SUGCT: variants seen among roughly 807,000 people sequenced by gnomAD.
SUGCT encodes succinyl-CoA:glutarate CoA-transferase.
SUGCT carries 41 observed loss-of-function variants against 55.0 expected under a neutral mutation model. The observed-to-expected ratio is 0.74, with a 90% CI of 0.58 to 0.97. SUGCT has a LOEUF of 0.97. SUGCT is among the 50% of genes least tolerant of loss of function. The probability of loss-of-function intolerance (pLI) is 0.00; values close to 1 mark genes in which losing one functional copy is unlikely to be tolerated. For synonymous variants in SUGCT, 187 were observed against 200.4 expected (o/e 0.93, Z 0.56); for missense variants, 568 against 547.8 (o/e 1.04, Z -0.37).
At chr7:40,245,569 A>G (rs868705197) in intron 7 of SUGCT, among the ~76,000 whole-genome samples, 152 of 146,074 alleles carry the variant, frequency 1.0e-3, no homozygotes, top group Middle Eastern at 7.3e-3. Flanking sequence ...CCTCCCGAGT[A>G]GCTGGGACTA....
chr7:40,807,580 GACAA>G (rs1468683649), intron 13 of SUGCT, among the ~76,000 whole-genome samples: 5 of 152,332 alleles, frequency 3.3e-5, no homozygotes, highest in African/African-American at 1.2e-4. Context: ...GAAGAAGCTG[GACAA>G]ACAGAGGCTC....
At chr7:40,837,853 A>C (rs1035419817) in intron 13 of SUGCT, among the ~76,000 whole-genome samples, 18 of 152,118 alleles carry the variant, frequency 1.2e-4, no homozygotes, top group African/African-American at 4.3e-4. Flanking sequence ...ACCTCAGGAG[A>C]TCCACCCGCC....
At chr7:40,413,928 G>A (rs1411974543) in intron 9 of SUGCT, among the ~76,000 whole-genome samples, 1 of 152,160 alleles carries the variant, frequency 6.6e-6, no homozygotes, top group Admixed American at 6.5e-5. Context: ...ACTTGGGAAA[G>A]TGTCTTTCCA....
At chr7:40,753,959 G>T in intron 13 of SUGCT, among the ~76,000 whole-genome samples, 1 of 151,796 alleles carries the variant, frequency 6.6e-6, no homozygotes, top group Non-Finnish European at 1.5e-5. Context: ...TATTATATCT[G>T]TTGCAAATAC....
chr7:40,623,573 A>G (rs1410949421), intron 12 of SUGCT, among the ~76,000 whole-genome samples: 1 of 152,204 alleles, frequency 6.6e-6, no homozygotes, highest in African/African-American at 2.4e-5. Context: ...AATTTTATTA[A>G]AAGCAATACA....
the SUGCT span, among the ~76,000 whole-genome samples, chr7:41,027,728 A>G: frequency 2.0e-5 from 3 of 152,220 alleles, no homozygotes; most frequent in African/African-American, 7.2e-5. Flanking sequence ...CCCATTAGGA[A>G]AACATTAGGA....
chr7:40,721,917 A>G (rs1786357289), intron 12 of SUGCT, among the ~76,000 whole-genome samples: 3 of 152,230 alleles, frequency 2.0e-5, no homozygotes, highest in Non-Finnish European at 2.9e-5. Flanking sequence ...GACACATTTC[A>G]AGAATGTCCT....
At chr7:40,635,989 C>T (rs765407378) in intron 12 of SUGCT, among the ~76,000 whole-genome samples, 9 of 152,146 alleles carry the variant, frequency 5.9e-5, no homozygotes, top group Non-Finnish European at 7.3e-5. Flanking sequence ...CTATGGGATA[C>T]GTGGAGCACA....
At chr7:40,437,376 C>G in intron 9 of SUGCT, among the ~76,000 whole-genome samples, 1 of 152,120 alleles carries the variant, frequency 6.6e-6, no homozygotes, top group East Asian at 1.9e-4. Context: ...GGATCTGGGG[C>G]AGGAAATCAG....
intron 7 of SUGCT, among the ~76,000 whole-genome samples, chr7:40,272,091 C>CTATA (rs1355460497): frequency 4.7e-5 from 4 of 84,690 alleles, no homozygotes; most frequent in South Asian, 3.4e-4. Context: ...CTCTCTCTCT[C>CTATA]TCTCTATATA....
chr7:40,257,774 T>G (rs1302225328), intron 7 of SUGCT, among the ~76,000 whole-genome samples: 1 of 151,976 alleles, frequency 6.6e-6, no homozygotes, highest in East Asian at 1.9e-4. Context: ...CTCGGGAGGC[T>G]GAGGTGGGAG....
intron 13 of SUGCT, among the ~76,000 whole-genome samples, chr7:40,829,939 A>G (rs1273638086): frequency 6.6e-6 from 1 of 152,202 alleles, no homozygotes; most frequent in African/African-American, 2.4e-5. Flanking sequence ...ACTTTCCTTC[A>G]AAAACCATTT....
intron 11 of SUGCT, 53 bp from the exon 12 acceptor site, chr7:40,496,231 G>A (rs1345730895): frequency 3.6e-6 from 4 of 1,119,488 alleles, no homozygotes; most frequent in Non-Finnish European, 5.4e-6. Flanking sequence ...GATAGAAGAG[G>A]CTGTGTTACA....
chr7:40,756,836 T>C (rs1424550679), intron 13 of SUGCT, among the ~76,000 whole-genome samples: 1 of 152,196 alleles, frequency 6.6e-6, no homozygotes, highest in Admixed American at 6.5e-5. Flanking sequence ...TTGTGCGTAG[T>C]GCATAATCTA....
At chr7:40,396,341 G>A (rs1447246153) in intron 9 of SUGCT, among the ~76,000 whole-genome samples, 6 of 152,080 alleles carry the variant, frequency 3.9e-5, no homozygotes, top group Non-Finnish European at 8.8e-5. Context: ...AATATTAAAT[G>A]TATGATAATT....
intron 9 of SUGCT, among the ~76,000 whole-genome samples, chr7:40,409,626 CATCT>C (rs1786563540): frequency 6.6e-6 from 1 of 152,044 alleles, no homozygotes; most frequent in South Asian, 2.1e-4. Flanking sequence ...CAAATTTAGA[CATCT>C]ATTTTCATAA....
chr7:40,510,399 C>G (rs1487800571), intron 12 of SUGCT, among the ~76,000 whole-genome samples: 1 of 152,100 alleles, frequency 6.6e-6, no homozygotes, highest in Non-Finnish European at 1.5e-5. Flanking sequence ...TCCGTGTTCT[C>G]TGGTAAACAC....
At chr7:40,254,807 T>G (rs1584476384) in intron 7 of SUGCT, among the ~76,000 whole-genome samples, 1 of 151,992 alleles carries the variant, frequency 6.6e-6, no homozygotes, top group Non-Finnish European at 1.5e-5. Context: ...AAAATGTACC[T>G]TTTTTTATAA....
chr7:40,390,443 G>A (rs1785362464), intron 9 of SUGCT, among the ~76,000 whole-genome samples: 1 of 152,124 alleles, frequency 6.6e-6, no homozygotes, highest in Admixed American at 6.6e-5. Context: ...AAAGTCTCAG[G>A]ATACAAAATC....
Sources: allele counts gnomAD v4.1 joint callset (sites outside exome capture counted in the v4.1 genomes callset), GRCh38; gene constraint gnomAD v4.1.1; transcripts MANE v1.5; gene names NCBI Gene and HGNC (gene_info 2026-07-23, HGNC 2026-07-21).